Variants in SCN1A observed in about 807,000 individuals in gnomAD.
SCN1A encodes sodium voltage-gated channel alpha subunit 1, also known as sodium channel protein type 1 subunit alpha.
A neutral mutation model predicts 193.7 loss-of-function variants in SCN1A; 13 were observed. That is an observed-to-expected ratio of 0.07 (90% CI 0.04 to 0.11). The LOEUF is 0.11. SCN1A is among the 10% of genes least tolerant of loss of function. The pLI, the probability that SCN1A is intolerant of heterozygous loss-of-function variation, is 1.00. For missense variants in SCN1A, 1,432 were observed against 2,451.1 expected (o/e 0.58, Z 8.78); for synonymous variants, 781 against 843.6 (o/e 0.93, Z 1.29).
intron 16 of SCN1A, among the ~76,000 whole-genome samples, chr2:166,040,063 C>T (rs1444133426): frequency 6.6e-6 from 1 of 151,754 alleles, no homozygotes. Context: ...GGACTACAGG[C>T]GCCCGCCACC....
intron 9 of SCN1A, among the ~76,000 whole-genome samples, chr2:166,049,920 A>G (rs1698331576): frequency 6.6e-6 from 1 of 152,062 alleles, no homozygotes; most frequent in African/African-American, 2.4e-5. Flanking sequence ...AGAGAAAAAC[A>G]TGGAATTAAA....
intron 3 of SCN1A, among the ~76,000 whole-genome samples, chr2:166,074,155 G>C (rs1312442227): frequency 6.6e-6 from 1 of 152,172 alleles, no homozygotes; most frequent in Non-Finnish European, 1.5e-5. Flanking sequence ...CAACCTTAAT[G>C]ACCAATCAAA....
chr2:166,025,337 A>G (rs1694619979), intron 19 of SCN1A, among the ~76,000 whole-genome samples: 1 of 151,968 alleles, frequency 6.6e-6, no homozygotes, highest in South Asian at 2.1e-4. Flanking sequence ...GCCCAGAACC[A>G]CTCTCAGCAA....
At chr2:166,000,379 T>G (rs1690659884) in intron 24 of SCN1A, among the ~76,000 whole-genome samples, 1 of 151,712 alleles carries the variant, frequency 6.6e-6, no homozygotes, top group Admixed American at 6.6e-5. Context: ...TTTCTGAAAT[T>G]CTTGAAGATA....
chr2:166,147,648 C>G (rs1421709893), intron 1 of SCN1A, among the ~76,000 whole-genome samples: 2 of 152,076 alleles, frequency 1.3e-5, no homozygotes, highest in Admixed American at 1.3e-4. Flanking sequence ...TTATCTCAAG[C>G]TATGTCTAGG....
intron 3 of SCN1A, among the ~76,000 whole-genome samples, chr2:166,074,250 G>T (rs1684774358): frequency 6.6e-6 from 1 of 152,186 alleles, no homozygotes; most frequent in Non-Finnish European, 1.5e-5. Context: ...CACTAGCCAT[G>T]CATGGTTGGC....
rs141479180 is a variant in SCN1A at position 166,041,754 on chromosome 2, C to T, written c.2177-285G>A. On this transcript the variant is annotated intron_variant, in intron 15 of 28. Transcript: ENST00000674923. The stretch of plus-strand genomic sequence containing the variant: ...GTTAAATGAGTGGTCTTTCATGTGA[C>T]GTCTCAATGGGAACATGGTTTAGGG... Among the ~76,000 whole-genome samples, 13 of 152,230 alleles carry T rather than the reference C, an allele frequency of 8.5e-5. No individual in the cohort carries two copies. In the East Asian group the frequency reaches 1.9e-3, roughly 23 times the overall value.
At chr2:166,060,435 A>G (rs1025625622) in intron 4 of SCN1A, 2 of 152,200 alleles carry the variant, frequency 1.3e-5, no homozygotes, top group African/African-American at 4.8e-5. Flanking sequence ...GTGGGGGAAT[A>G]TGAGCATGTA....
In SCN1A at chr2:165,999,617, T is replaced by C. The variant is rs570593235; in HGVS notation, c.4338+106A>G. On this transcript the variant is annotated intron_variant, in intron 25 of 28. Coordinates refer to ENST00000674923, the MANE Select transcript of SCN1A (RefSeq NM_001165963.4). ...ACCTGTCACACTTTTTCCCAAATATTTTAAATCAAGATAGAATCATTTCAT... is the reference window on the plus strand; with the variant it reads ...ACCTGTCACACTTTTTCCCAAATATCTTAAATCAAGATAGAATCATTTCAT... The C allele has an allele frequency of 4.6e-6, 4 of 876,812 alleles. No individual in the cohort carries two copies. The East Asian group carries it at 9.8e-5, about 21-fold the overall frequency. 54.3% of individuals were successfully genotyped at this position (876,812 alleles called of 1,614,324 possible).
chr2:166,038,161 G>A, intron 17 of SCN1A, 29 bp from the exon 18 acceptor site: 1 of 1,504,910 alleles, frequency 6.6e-7, no homozygotes, highest in Non-Finnish European at 9.1e-7. Flanking sequence ...ATATATATTT[G>A]TATGATTCTT....
Position 166,054,624 on chromosome 2 carries a change from A to G in SCN1A, c.602+14T>C, listed in dbSNP as rs1173655453. 3.7e-6 allele frequency: 6 copies of G among 1,611,592 alleles called. No homozygotes were observed. The highest frequency in any genetic ancestry group is 1.1e-5 in the South Asian group (1 of 91,032). Reference sequence around the variant, plus strand: ...AACTATGTTCTCTCTTAAAGTTTCAAAAAAGGCACTTACGCAAATGTAATG... The same window carrying G: ...AACTATGTTCTCTCTTAAAGTTTCAGAAAAGGCACTTACGCAAATGTAATG... On this transcript the variant is annotated intron_variant, in intron 7 of 28. Coordinates refer to ENST00000674923, the MANE Select transcript of SCN1A (RefSeq NM_001165963.4).
chr2:166,030,442 T>C (rs1416171649), intron 19 of SCN1A, among the ~76,000 whole-genome samples: 1 of 143,296 alleles, frequency 7.0e-6, no homozygotes, highest in Non-Finnish European at 1.5e-5. Context: ...ATTCTAGAGC[T>C]CACTCATCGC....
chr2:166,035,307 T>C (rs1574162782), intron 19 of SCN1A, among the ~76,000 whole-genome samples: 2 of 152,282 alleles, frequency 1.3e-5, no homozygotes, highest in East Asian at 1.9e-4. Flanking sequence ...TTTGTCTATT[T>C]GTTAGATCGT....
chr2:166,030,264 A>G (rs1695376413), intron 19 of SCN1A, among the ~76,000 whole-genome samples: 1 of 152,120 alleles, frequency 6.6e-6, no homozygotes, highest in African/African-American at 2.4e-5. Flanking sequence ...TGTTCAAAAT[A>G]TGTTTATTTT....
At chr2:165,985,725 T>C (rs1301715490), downstream of SCN1A, 1 of 152,170 alleles carries the variant, frequency 6.6e-6, no homozygotes, top group African/African-American at 2.4e-5. Context: ...GTGCCTTTGC[T>C]GCCACACTGA....
At chr2:166,017,405 G>C (rs79716722) in intron 19 of SCN1A, among the ~76,000 whole-genome samples, 1,588 of 152,070 alleles carry the variant, frequency 0.01, 30 homozygotes, top group African/African-American at 0.035. Context: ...CTAGTGGCAG[G>C]CGTTAGTCAC....
At chr2:165,996,197 G>T in intron 26 of SCN1A, 80 bp from the exon 27 acceptor site, 1 of 839,040 alleles carries the variant, frequency 1.2e-6, no homozygotes, top group East Asian at 2.6e-5. Flanking sequence ...AAAATGGATG[G>T]CTAAAAAAAG....
intron 4 of SCN1A, among the ~76,000 whole-genome samples, chr2:166,071,208 T>A (rs547440551): frequency 6.6e-6 from 1 of 152,348 alleles, no homozygotes; most frequent in African/African-American, 2.4e-5. Context: ...ATTATCTGCA[T>A]TTTTACTTTT....
chr2:166,010,336 G>C (rs1274786898), intron 22 of SCN1A, among the ~76,000 whole-genome samples: 1 of 151,152 alleles, frequency 6.6e-6, no homozygotes, highest in Non-Finnish European at 1.5e-5. Context: ...CATCAGTTTT[G>C]AAGGTGATAT....
Sources: gnomAD v4.1 joint callset for allele counts (sites outside exome capture counted in the v4.1 genomes callset) on GRCh38, gnomAD v4.1.1 for gene constraint, MANE v1.5 for transcripts, NCBI Gene and HGNC (gene_info 2026-07-23, HGNC 2026-07-21) for gene names.